The following RHEB variants were observed in gnomAD, a reference collection of about 807,000 sequenced individuals.
RHEB encodes Ras homolog, mTORC1 binding, also known as GTP-binding protein Rheb.
Under a neutral mutation model 28.8 loss-of-function variants are expected in RHEB, and 2 were observed. The ratio of observed to expected loss-of-function variants is 0.07; its 90% CI spans 0.03 to 0.22. RHEB has a LOEUF of 0.22. RHEB is among the 10% of genes least tolerant of loss of function. The probability of loss-of-function intolerance (pLI) is 1.00; values close to 1 mark genes in which losing one functional copy is unlikely to be tolerated. For synonymous variants in RHEB, 69 were observed against 77.3 expected (o/e 0.89, Z 0.56); for missense variants, 76 against 219.9 (o/e 0.35, Z 4.14).
intron 1 of RHEB, among the ~76,000 whole-genome samples, chr7:151,494,025 T>C (rs6962847): frequency 0.036 from 5,489 of 152,284 alleles, 291 homozygotes; most frequent in African/African-American, 0.12. Context: ...GTGGGCTTTT[T>C]ATACCCTTAT....
At chr7:151,474,533 T>C (rs1802233108) in intron 4 of RHEB, among the ~76,000 whole-genome samples, 1 of 152,196 alleles carries the variant, frequency 6.6e-6, no homozygotes, top group Admixed American at 6.5e-5. Context: ...AGGAGAGATC[T>C]ACTCCTATAT....
chr7:151,487,789 C>G (rs1802507834), intron 2 of RHEB, among the ~76,000 whole-genome samples: 1 of 152,172 alleles, frequency 6.6e-6, no homozygotes, highest in Non-Finnish European at 1.5e-5. Flanking sequence ...TTCTCCCTGC[C>G]TCTTTGAATC....
chr7:151,504,533 T>C (rs1460015106), intron 1 of RHEB, among the ~76,000 whole-genome samples: 5 of 152,178 alleles, frequency 3.3e-5, no homozygotes, highest in Non-Finnish European at 7.3e-5. Flanking sequence ...AAAAAAAAAT[T>C]CCTGCCTATA....
intron 1 of RHEB, among the ~76,000 whole-genome samples, chr7:151,504,314 TG>T (rs1310362540): frequency 2.6e-5 from 4 of 151,862 alleles, no homozygotes; most frequent in African/African-American, 4.8e-5. Flanking sequence ...GCAATTTAAG[TG>T]GGGGGAAAAA....
chr7:151,501,537 A>G (rs1021254671), intron 1 of RHEB, among the ~76,000 whole-genome samples: 2 of 152,226 alleles, frequency 1.3e-5, no homozygotes, highest in African/African-American at 4.8e-5. Context: ...CAAGTTCAGC[A>G]GCTTCTGAAA....
chr7:151,470,888 A>C (rs1349859811), intron 6 of RHEB, among the ~76,000 whole-genome samples: 1 of 152,240 alleles, frequency 6.6e-6, no homozygotes, highest in Non-Finnish European at 1.5e-5. Flanking sequence ...CAAACCTTCC[A>C]GCTCAGAGAA....
intron 4 of RHEB, among the ~76,000 whole-genome samples, chr7:151,473,548 A>T (rs1018892080): frequency 6.6e-6 from 1 of 152,226 alleles, no homozygotes; most frequent in African/African-American, 2.4e-5. Flanking sequence ...TGATTTTCTG[A>T]ATCAAACTGG....
At chr7:151,470,861 G>A (rs563927992) in intron 6 of RHEB, among the ~76,000 whole-genome samples, 20 of 152,300 alleles carry the variant, frequency 1.3e-4, no homozygotes, top group Admixed American at 5.9e-4. Context: ...TGCTTTATGG[G>A]ATTATCCATG....
intron 3 of RHEB, among the ~76,000 whole-genome samples, chr7:151,482,080 C>T (rs1177852351): frequency 6.6e-6 from 1 of 152,188 alleles, no homozygotes; most frequent in African/African-American, 2.4e-5. Context: ...GCACTTCCAC[C>T]ATGCAGCCTG....
chr7:151,488,696 T>C (rs1435031240), intron 2 of RHEB, among the ~76,000 whole-genome samples: 4 of 152,220 alleles, frequency 2.6e-5, no homozygotes. Flanking sequence ...CTACAGACTT[T>C]AATAAACAAG....
chr7:151,506,958 G>A (rs1459291620), intron 1 of RHEB, among the ~76,000 whole-genome samples: 6 of 152,154 alleles, frequency 3.9e-5, no homozygotes. Flanking sequence ...CACAAAAGCA[G>A]AAGCTGCCAA....
rs1318060556 is a variant in RHEB at position 151,502,659 on chromosome 7, C to A, written c.53-11645G>T. ...TAGATGGTAGTGGTGCACTTTTTGG[C>A]ACACTCCAAGGAAACACAAGAGAAG... is the stretch of plus-strand genomic sequence containing the variant. On this transcript the variant is annotated intron_variant, in intron 1 of 7. Transcript: ENST00000262187. 4 of 1,608,370 alleles carry A rather than the reference C, an allele frequency of 2.5e-6. No homozygotes were observed. The African/African-American group carries it at 5.3e-5, about 22-fold the overall frequency.
chr7:151,491,445 G>C (rs1217135253), intron 1 of RHEB, among the ~76,000 whole-genome samples: 2 of 152,170 alleles, frequency 1.3e-5, no homozygotes, highest in Non-Finnish European at 2.9e-5. Context: ...CTTTTAAAAA[G>C]AGTAATCCGG....
Position 151,519,458 on chromosome 7 carries a change from A to G in RHEB, c.52+2T>C. ...GAGGCCGCGCGGCCACCGGCCACTC[A>G]CCCACAGACCGGTAGCCCAGGATCG... On this transcript the variant is annotated splice_donor_variant, in intron 1 of 7. Coordinates refer to ENST00000262187, the MANE Select transcript of RHEB (RefSeq NM_005614.4). LOFTEE classifies it high-confidence loss of function. 1 of 1,482,080 alleles carries G rather than the reference A, an allele frequency of 6.7e-7. No homozygotes were observed. Among genetic ancestry groups the G allele is most frequent in the Non-Finnish European group, 9.0e-7 (1 of 1,111,462 alleles). 91.8% of individuals were successfully genotyped at this position (1,482,080 alleles called of 1,614,324 possible). A position where few individuals can be genotyped will look rare whatever the true frequency, so the allele number is the denominator to read the frequency against.
chr7:151,488,118 A>G (rs566084001), intron 2 of RHEB, among the ~76,000 whole-genome samples: 9 of 152,332 alleles, frequency 5.9e-5, no homozygotes, highest in African/African-American at 2.2e-4. Flanking sequence ...CTTGCTTTTT[A>G]GTTATAAACT....
At chr7:151,469,337 A>C (rs1294388856) in intron 7 of RHEB, among the ~76,000 whole-genome samples, 1 of 152,226 alleles carries the variant, frequency 6.6e-6, no homozygotes, top group East Asian at 1.9e-4. Context: ...ACTGACTCAG[A>C]TCTCAGAACA....
intron 3 of RHEB, among the ~76,000 whole-genome samples, chr7:151,479,296 T>C (rs1802328551): frequency 1.3e-5 from 2 of 152,124 alleles, no homozygotes; most frequent in South Asian, 4.1e-4. Context: ...ATTCACACTT[T>C]GGCAAAAACA....
intron 1 of RHEB, among the ~76,000 whole-genome samples, chr7:151,508,327 T>C (rs571698665): frequency 3.9e-5 from 6 of 152,104 alleles, no homozygotes; most frequent in African/African-American, 1.4e-4. Context: ...AGATAATTTC[T>C]TCAAAAGTTC....
chr7:151,503,764 A>G (rs1371431589), intron 1 of RHEB, among the ~76,000 whole-genome samples: 1 of 102,228 alleles, frequency 9.8e-6, no homozygotes, highest in Non-Finnish European at 2.0e-5. Flanking sequence ...GTATTTTATG[A>G]AAAAAAAAAA....
Sources: allele counts gnomAD v4.1 joint callset (sites outside exome capture counted in the v4.1 genomes callset), GRCh38; gene constraint gnomAD v4.1.1; transcripts MANE v1.5; gene names NCBI Gene and HGNC (gene_info 2026-07-23, HGNC 2026-07-21).